The following IPO5 variants were observed in gnomAD, a reference collection of about 807,000 sequenced individuals.
IPO5 encodes importin 5.
In IPO5, 18 loss-of-function variants were observed where a neutral mutation model predicts 143.3. The observed-to-expected ratio is 0.13, with a 90% CI of 0.09 to 0.19. The LOEUF is 0.19. Among genes scored for constraint, IPO5 ranks in the 10% least tolerant of loss-of-function variants. IPO5 has a pLI of 1.00. For missense variants in IPO5, 1,013 were observed against 1,336.9 expected, an observed-to-expected ratio of 0.76 and a Z score of 3.78; for synonymous variants, 477 against 465.7, an observed-to-expected ratio of 1.02 and a Z score of -0.31.
At chr13:97,968,595 A>C (rs1885549331) in intron 2 of IPO5, among the ~76,000 whole-genome samples, 1 of 152,202 alleles carries the variant, frequency 6.6e-6, no homozygotes, top group African/African-American at 2.4e-5. Flanking sequence ...TTCCTGATTG[A>C]ATTTTTTATT....
At position 98,022,830 on chromosome 13, in the gene IPO5, TTTAATTATAAG is replaced by T. The variant is rs1249147706; in HGVS notation, c.*1010_*1020del. Reference sequence around the variant, plus strand: ...TAGAGCCACACACAACTTTTGAACTTTTAATTATAAGTGTTATGGCTAAAGTTATTTACTGA... The same window carrying T: ...TAGAGCCACACACAACTTTTGAACTTTGTTATGGCTAAAGTTATTTACTGA... On this transcript the variant is annotated 3_prime_UTR_variant, in exon 29 of 29. Coordinates refer to ENST00000651721, the MANE Select transcript of IPO5 (RefSeq NM_002271.6). 2.0e-5 allele frequency: 3 copies of T among 152,646 alleles called. No homozygotes were observed. Among genetic ancestry groups the T allele is most frequent in the Admixed American group, 6.5e-5 (1 of 15,280 alleles). The allele number at this position is 152,646 out of a possible 1,614,324, so 9.5% of individuals were successfully genotyped here.
rs999841728 is a variant in IPO5, at chr13:97,967,793, G to A, written c.-112-1930G>A. ...ACTACAGGTGCCCACCACCACGCCC[G>A]GCTAATTTTTTGTATTTTTAGCAGA... On this transcript the variant is annotated intron_variant, in intron 2 of 28. Coordinates refer to ENST00000651721, the MANE Select transcript of IPO5 (RefSeq NM_002271.6). Among the ~76,000 whole-genome samples the A allele has an allele frequency of 5.1e-4, 77 of 151,908 alleles. 1 individual carries two copies. The highest frequency in any genetic ancestry group is 2.2e-4 in the Non-Finnish European group (15 of 67,990).
intron 6 of IPO5, among the ~76,000 whole-genome samples, chr13:97,987,497 G>A (rs962108144): frequency 6.6e-6 from 1 of 152,146 alleles, no homozygotes; most frequent in African/African-American, 2.4e-5. Flanking sequence ...AATGGGGAAT[G>A]TGTCAATTCT....
rs1890646760 is a variant in IPO5 at position 98,024,191 on chromosome 13, TAAATC to T, written c.*2370_*2374del. 1.3e-5 allele frequency: 2 copies of T among 152,300 alleles called. No homozygotes were observed. The highest frequency in any genetic ancestry group is 4.8e-5 in the African/African-American group (2 of 41,568). The allele number at this position is 152,300 out of a possible 1,614,324, so 9.4% of individuals were successfully genotyped here. A position where few individuals can be genotyped will look rare whatever the true frequency, so the allele number is the denominator to read the frequency against. On this transcript the variant is annotated 3_prime_UTR_variant, in exon 29 of 29. Transcript: ENST00000651721. ...TCTTTAAAGAAAAGTAAAATTGTCT[TAAATC>T]TAATTGACACTTCTGTAATGAGAGG...
intron 2 of IPO5, among the ~76,000 whole-genome samples, chr13:97,955,639 C>T (rs1275220766): frequency 6.6e-6 from 1 of 152,152 alleles, no homozygotes. Context: ...TCCTCAGACG[C>T]CGGAGCTGGG....
At chr13:97,964,386 G>A (rs912750929) in intron 2 of IPO5, among the ~76,000 whole-genome samples, 3 of 151,368 alleles carry the variant, frequency 2.0e-5, no homozygotes, top group East Asian at 3.9e-4. Flanking sequence ...TGTAAGGAAT[G>A]GGTCCAGTTT....
At chr13:97,973,438 G>C (rs556649333) in intron 3 of IPO5, among the ~76,000 whole-genome samples, 14 of 152,312 alleles carry the variant, frequency 9.2e-5, no homozygotes, top group Admixed American at 9.2e-4. Flanking sequence ...CTTCCCAGAA[G>C]GCTGAGCATT....
chr13:97,969,667 C>T, intron 2 of IPO5, 56 bp from the exon 3 acceptor site: 1 of 756,902 alleles, frequency 1.3e-6, no homozygotes, highest in Non-Finnish European at 2.3e-6. Flanking sequence ...TTAAGAATAT[C>T]ATCTTCAAAA....
In IPO5 at chr13:97,993,014, G is replaced by A; in HGVS notation, c.792G>A (p.Lys264=). The A allele has an allele frequency of 6.2e-7, 1 of 1,613,006 alleles. No individual in the cohort carries two copies. ...HLEATLQLSL[K]LCGDTSLNNM... is the part of the protein sequence containing the mutation. ...AAGCAACTCTACAGCTAAGTCTAAA[G>A]GTAAATTAAGTACGTTAGTAAACGT... Residue 264 remains lysine (K), a splice_region_variant and synonymous_variant, in exon 10 of 29, where the codon AAG becomes AAA. Coordinates refer to ENST00000651721, the MANE Select transcript of IPO5 (RefSeq NM_002271.6).
intron 21 of IPO5, among the ~76,000 whole-genome samples, chr13:98,013,124 T>G (rs1470609633): frequency 3.3e-5 from 5 of 152,130 alleles, no homozygotes; most frequent in Non-Finnish European, 7.4e-5. Flanking sequence ...GGCACGATCT[T>G]AGCTCACTGC....
At chr13:97,968,460 C>T (rs1885535413) in intron 2 of IPO5, among the ~76,000 whole-genome samples, 1 of 152,154 alleles carries the variant, frequency 6.6e-6, no homozygotes, top group Admixed American at 6.6e-5. Flanking sequence ...CTATCCGTTA[C>T]TGAAAGGTGG....
intron 4 of IPO5, among the ~76,000 whole-genome samples, chr13:97,978,943 T>C (rs182742395): frequency 6.6e-6 from 1 of 152,224 alleles, no homozygotes; most frequent in African/African-American, 2.4e-5. Context: ...TTATTCCTAG[T>C]GAAAACATTC....
At chr13:97,990,006 A>C in intron 7 of IPO5, 120 bp from the exon 8 acceptor site, 1 of 645,654 alleles carries the variant, frequency 1.5e-6, no homozygotes, top group Non-Finnish European at 2.7e-6. Context: ...ATGATGTTCA[A>C]CCTATGGATT....
At chr13:97,959,855 A>G (rs1884728144) in intron 2 of IPO5, among the ~76,000 whole-genome samples, 1 of 152,078 alleles carries the variant, frequency 6.6e-6, no homozygotes, top group South Asian at 2.1e-4. Context: ...TTACTTGTTT[A>G]TTATCTGAAT....
At chr13:97,969,938 A>T in intron 3 of IPO5, 108 bp downstream of exon 3, 1 of 769,126 alleles carries the variant, frequency 1.3e-6, no homozygotes, top group South Asian at 1.7e-5. Context: ...GTCTCAGGCA[A>T]TCCTCCCACC....
At chr13:98,001,653 C>G (rs1269066152) in intron 13 of IPO5, 1 of 152,112 alleles carries the variant, frequency 6.6e-6, no homozygotes, top group African/African-American at 2.4e-5. Flanking sequence ...AATTTTTGTA[C>G]TTTTAGTGGA....
intron 16 of IPO5, 93 bp from the exon 17 acceptor site, chr13:98,006,037 A>G: frequency 1.2e-6 from 1 of 823,940 alleles, no homozygotes; most frequent in Non-Finnish European, 2.0e-6. Context: ...CTGTTTCAGA[A>G]AAGCATTCAA....
chr13:98,002,436 T>G, intron 13 of IPO5, 31 bp from the exon 14 acceptor site: 1 of 1,609,006 alleles, frequency 6.2e-7, no homozygotes, highest in South Asian at 1.1e-5. Flanking sequence ...TAGTGTGTAA[T>G]TGCTATTCCA....
At chr13:97,979,912 T>C (rs989614506) in intron 4 of IPO5, 11 of 456,642 alleles carry the variant, frequency 2.4e-5, no homozygotes, top group Non-Finnish European at 4.8e-5. Flanking sequence ...ATAAAAGTCA[T>C]GTGTCCCCTC....
Sources: allele counts gnomAD v4.1 joint callset (sites outside exome capture counted in the v4.1 genomes callset), GRCh38; gene constraint gnomAD v4.1.1; transcripts MANE v1.5; gene names NCBI Gene and HGNC (gene_info 2026-07-23, HGNC 2026-07-21).